Variants in EWSR1 observed in about 807,000 individuals in gnomAD.
The protein encoded by EWSR1 is EWS RNA binding protein 1, also known as RNA-binding protein EWS.
EWSR1 carries 14 observed loss-of-function variants against 92.1 expected under a neutral mutation model. The observed-to-expected ratio is 0.15, with a 90% CI of 0.10 to 0.24. EWSR1 has a LOEUF of 0.24. EWSR1 is among the 10% of genes least tolerant of loss of function. The pLI, the probability that EWSR1 is intolerant of heterozygous loss-of-function variation, is 1.00. For synonymous variants in EWSR1, 303 were observed against 292.9 expected (o/e 1.03, Z -0.35); for missense variants, 637 against 870.9 (o/e 0.73, Z 3.38).
chr22:29,268,481 G>A (rs2058315674), intron 1 of EWSR1, 132 bp downstream of exon 1: 1 of 1,520,740 alleles, frequency 6.6e-7, no homozygotes. Flanking sequence ...GCCGCGGCCC[G>A]ACGAGCTCGG....
At chr22:29,294,745 A>G (rs997030681) in intron 11 of EWSR1, among the ~76,000 whole-genome samples, 3 of 151,858 alleles carry the variant, frequency 2.0e-5, no homozygotes, top group African/African-American at 7.3e-5. Context: ...GAAACCCCGT[A>G]TCTACTAAAA....
At chr22:29,296,457 C>A in intron 12 of EWSR1, 89 bp downstream of exon 12, 3 of 1,481,460 alleles carry the variant, frequency 2.0e-6, no homozygotes, top group Non-Finnish European at 2.8e-6. Context: ...GCAAGAAGAC[C>A]TTCCATCTCT....
intron 11 of EWSR1, 109 bp downstream of exon 11, chr22:29,292,715 T>A: frequency 1.5e-6 from 1 of 652,306 alleles, no homozygotes; most frequent in Non-Finnish European, 2.7e-6. Flanking sequence ...TTTGCCTGAC[T>A]TCTTTCTAGG....
chr22:29,297,268 A>G (rs2060936087), intron 12 of EWSR1, among the ~76,000 whole-genome samples: 1 of 152,196 alleles, frequency 6.6e-6, no homozygotes, highest in African/African-American at 2.4e-5. Context: ...CTTGTGCGTC[A>G]GCCACTCGAG....
rs55801595 is a variant in EWSR1, at chr22:29,273,723, C to A, written c.103-18C>A. 1 of 1,597,714 alleles carries A rather than the reference C, an allele frequency of 6.3e-7. No homozygotes were observed. Among genetic ancestry groups the A allele is most frequent in the South Asian group, 1.1e-5 (1 of 87,342 alleles). On this transcript the variant is annotated intron_variant, in intron 3 of 16. Transcript: ENST00000397938. ...AGTTCATGTATGAAGTTCTTGCATT[C>A]GTTTTTTTTTGGAGCAGGCATATGG... is the stretch of plus-strand genomic sequence containing the variant.
intron 4 of EWSR1, chr22:29,274,591 G>A (rs2058956430): frequency 2.7e-6 from 1 of 372,926 alleles, no homozygotes; most frequent in Non-Finnish European, 4.9e-6. Context: ...CTGAAGGATA[G>A]ATTGCATGAT....
rs981414031 is a variant in EWSR1 at position 29,282,535 on chromosome 22, C to T, written c.559C>T (p.Pro187Ser). The T allele has an allele frequency of 2.6e-6, 4 of 1,534,546 alleles. No individual in the cohort carries two copies. The highest frequency in any genetic ancestry group is 2.8e-5 in the African/African-American group (2 of 70,320). Residue 187 changes from proline to serine, a missense_variant, in exon 6 of 17, where the codon CCT (proline) becomes TCT (serine). Physicochemically the swap from Pro to Ser is moderately conservative, Grantham distance 74 (BLOSUM62 -1). This residue lies in a region of EWSR1 where 116 missense variants were observed against 167.8 expected (regional missense o/e 0.69). Transcript: ENST00000397938. ...GSYPMQPVTAPPSYPPTSYSS... is the reference protein window; with the variant it reads ...GSYPMQPVTASPSYPPTSYSS... ...CTACCCCATGCAGCCAGTCACTGCA[C>T]CTCCATCCTACCCTCCTACCAGGTC...
Position 29,272,449 on chromosome 22 carries a change from T to C in EWSR1, c.102+18T>C. 6.3e-7 allele frequency: 1 copy of C among 1,587,052 alleles called. No individual in the cohort carries two copies. Among genetic ancestry groups the C allele is most frequent in the African/African-American group, 1.3e-5 (1 of 74,784 alleles). The stretch of plus-strand genomic sequence containing the variant: ...CCACCCAGGTAATCTTTAAAATAAT[T>C]ACATGTAGCTGCACCTCCAAGTAAA... On this transcript the variant is annotated intron_variant, in intron 3 of 16. Coordinates refer to ENST00000397938, the MANE Select transcript of EWSR1 (RefSeq NM_005243.4).
At chr22:29,277,853 C>G in intron 4 of EWSR1, 177 bp from the exon 5 acceptor site, 1 of 578,278 alleles carries the variant, frequency 1.7e-6, no homozygotes, top group South Asian at 2.5e-5. Context: ...TAGGTACATT[C>G]AGAGAACTTA....
At chr22:29,270,926 TTCC>T (rs1483575971) in intron 1 of EWSR1, among the ~76,000 whole-genome samples, 1 of 152,236 alleles carries the variant, frequency 6.6e-6, no homozygotes, top group Non-Finnish European at 1.5e-5. Flanking sequence ...AGTTGATTTG[TTCC>T]TCTTGGTGAT....
chr22:29,278,240 C>T (rs770608100), intron 5 of EWSR1, 24 bp downstream of exon 5: 9 of 1,606,952 alleles, frequency 5.6e-6, no homozygotes, highest in South Asian at 4.4e-5. Context: ...GTCCTTAATG[C>T]GTCAGTCTTA....
intron 11 of EWSR1, among the ~76,000 whole-genome samples, chr22:29,293,993 C>T (rs1011877713): frequency 3.3e-5 from 5 of 151,796 alleles, no homozygotes; most frequent in Admixed American, 1.3e-4. Flanking sequence ...CTCAGCCTCC[C>T]GAGTAGCTGG....
chr22:29,275,719 A>G (rs1469498736), intron 4 of EWSR1: 1 of 229,308 alleles, frequency 4.4e-6, no homozygotes, highest in African/African-American at 2.2e-5. Context: ...ATAGAAATAC[A>G]CTGTTCTCTT....
chr22:29,297,462 CAGG>C (rs540495885), intron 12 of EWSR1, among the ~76,000 whole-genome samples: 77 of 152,268 alleles, frequency 5.1e-4, no homozygotes, highest in African/African-American at 1.6e-3. Flanking sequence ...GAGGCCAAGG[CAGG>C]AGGATTGTTT....
intron 6 of EWSR1, among the ~76,000 whole-genome samples, chr22:29,285,163 G>T (rs933095095): frequency 1.9e-5 from 2 of 107,916 alleles, no homozygotes; most frequent in African/African-American, 3.8e-5. Context: ...TTGCTCTGTT[G>T]CCCAGGTTGG....
chr22:29,273,958 C>A, intron 4 of EWSR1, 94 bp downstream of exon 4: 1 of 1,477,518 alleles, frequency 6.8e-7, no homozygotes, highest in Non-Finnish European at 9.2e-7. Flanking sequence ...TATTCTGGTC[C>A]ATACCTTGGC....
In EWSR1 at chr22:29,290,223, G is replaced by C. The variant is rs1344868224; in HGVS notation, c.975-1339G>C. The C allele has an allele frequency of 7.4e-6, 4 of 542,958 alleles. No homozygotes were observed. In the African/African-American group the frequency reaches 7.7e-5, roughly 10 times the overall value. The allele number at this position is 542,958 out of a possible 1,614,324, so 33.6% of individuals were successfully genotyped here. The stretch of plus-strand genomic sequence containing the variant: ...TGAAGCAGTCTGTCGGATCCTGTGG[G>C]GATAGACGGGCATTTCCCTCGTTGC... On this transcript the variant is annotated intron_variant, in intron 8 of 16. Coordinates refer to ENST00000397938, the MANE Select transcript of EWSR1 (RefSeq NM_005243.4).
intron 13 of EWSR1, among the ~76,000 whole-genome samples, 161 bp from the exon 14 acceptor site, chr22:29,298,572 A>T (rs2061065898): frequency 6.6e-6 from 1 of 152,074 alleles, no homozygotes; most frequent in African/African-American, 2.4e-5. Flanking sequence ...CGCTCCTCAC[A>T]GGGAAGGGGG....
At chr22:29,268,749 G>T (rs1219473760) in intron 1 of EWSR1, among the ~76,000 whole-genome samples, 1 of 152,254 alleles carries the variant, frequency 6.6e-6, no homozygotes, top group East Asian at 1.9e-4. Context: ...GGGCCCGCAG[G>T]CTGCTGTCCC....
Sources: allele counts gnomAD v4.1 joint callset (sites outside exome capture counted in the v4.1 genomes callset), GRCh38; gene constraint gnomAD v4.1.1; regional missense constraint gnomAD v4.1.1; transcripts MANE v1.5; gene names NCBI Gene and HGNC (gene_info 2026-07-23, HGNC 2026-07-21).